Variants in SMARCA4 observed in about 807,000 individuals in gnomAD.
SMARCA4 encodes SWI/SNF related BAF chromatin remodeling complex subunit ATPase 4.
Under a neutral mutation model 193.9 loss-of-function variants are expected in SMARCA4, and 31 were observed. That is an observed-to-expected ratio of 0.16 (90% CI 0.12 to 0.22). The LOEUF is 0.22. Ranked by LOEUF, SMARCA4 falls within the 10% of genes least tolerant of loss-of-function variation. SMARCA4 has a pLI of 1.00. For synonymous variants in SMARCA4, 942 were observed against 933.1 expected (o/e 1.01, Z -0.17); for missense variants, 1,148 against 2,296.0 (o/e 0.50, Z 10.22).
chr19:10,999,385 G>A (rs554883474), intron 11 of SMARCA4, among the ~76,000 whole-genome samples: 3 of 152,256 alleles, frequency 2.0e-5, no homozygotes, highest in African/African-American at 4.8e-5. Flanking sequence ...GGCTGGGCAT[G>A]GTGGCTCATG....
At position 11,058,462 on chromosome 19, in the gene SMARCA4, C is replaced by G. The variant is rs556750452; in HGVS notation, c.4533+99C>G. On this transcript the variant is annotated intron_variant, in intron 31 of 34. Coordinates refer to ENST00000344626, the MANE Select transcript of SMARCA4 (RefSeq NM_003072.5). This position sits in a 1 kb window ranked among gnomAD's most constrained non-coding sequence, Gnocchi z 5.8. Reference sequence around the variant, plus strand: ...AGCTGTGGTGTGTGGGCAGAATGACCAGAAACCACCTAGGCGGTGCCTTGG... The same window carrying G: ...AGCTGTGGTGTGTGGGCAGAATGACGAGAAACCACCTAGGCGGTGCCTTGG... 7 of 871,146 alleles carry G rather than the reference C, an allele frequency of 8.0e-6. No homozygotes were observed. In the African/African-American group the frequency reaches 9.9e-5, roughly 12 times the overall value. 54.0% of individuals were successfully genotyped at this position (871,146 alleles called of 1,614,324 possible).
chr19:10,990,431 C>T (rs1402744881), intron 7 of SMARCA4, among the ~76,000 whole-genome samples: 1 of 151,812 alleles, frequency 6.6e-6, no homozygotes, highest in East Asian at 1.9e-4. Context: ...GGCATGTGCC[C>T]CACGCCTGGC....
At chr19:11,038,061 C>T (rs144918396) in intron 29 of SMARCA4, among the ~76,000 whole-genome samples, 2,439 of 152,326 alleles carry the variant, frequency 0.016, 62 homozygotes, top group South Asian at 0.059. Context: ...TGGCCGCCAT[C>T]GGACATGGCC....
At chr19:11,054,278 C>G (rs1415134788) in intron 30 of SMARCA4, among the ~76,000 whole-genome samples, 3 of 152,208 alleles carry the variant, frequency 2.0e-5, no homozygotes, top group Non-Finnish European at 2.9e-5. Flanking sequence ...GAGCACAGCC[C>G]AGATGCCCGG....
intron 1 of SMARCA4, among the ~76,000 whole-genome samples, chr19:10,978,386 G>A (rs991904931): frequency 6.6e-6 from 1 of 152,218 alleles, no homozygotes; most frequent in African/African-American, 2.4e-5. Context: ...AGGCTGGAGT[G>A]CAATGATGTA....
At chr19:10,993,515 A>G (rs1036794980) in intron 8 of SMARCA4, among the ~76,000 whole-genome samples, 2 of 152,344 alleles carry the variant, frequency 1.3e-5, no homozygotes, top group Non-Finnish European at 2.9e-5. Flanking sequence ...TAGTAATGGA[A>G]TAAGTTGGGT....
rs1046257812 is a variant in SMARCA4 at position 11,058,682 on chromosome 19, A to T, written c.4534-106A>T. ...AGGCTGGCGCTTCGGCCACATCCTC[A>T]TAGGCACGAGGAATCCTAGCCCGTG... On this transcript the variant is annotated intron_variant, in intron 31 of 34. Coordinates refer to ENST00000344626, the MANE Select transcript of SMARCA4 (RefSeq NM_003072.5). The surrounding 1 kb of genome is among the most constrained non-coding windows in gnomAD (Gnocchi z 5.8). 7.3e-6 allele frequency: 7 copies of T among 962,238 alleles called. 1 individual carries two copies. The highest frequency in any genetic ancestry group is 6.4e-5 in the African/African-American group (4 of 62,218). 59.6% of individuals were successfully genotyped at this position (962,238 alleles called of 1,614,324 possible).
chr19:10,986,431 CTGCAGATGGCGG>C lies in SMARCA4; in HGVS notation c.604_615del (p.Met202_Gln205del). The C allele has an allele frequency of 3.2e-6, 5 of 1,571,968 alleles. No homozygotes were observed. The highest frequency in any genetic ancestry group is 4.3e-6 in the Non-Finnish European group (5 of 1,159,320). The stretch of plus-strand genomic sequence containing the variant: ...CAGGGGGCAGCCCCTCCCCGACCAC[CTGCAGATGGCGG>C]TGCAGGGCAAGCGGCCGATGCCCGG... On this transcript the variant is annotated inframe_deletion, in exon 4 of 35. Coordinates refer to ENST00000344626, the MANE Select transcript of SMARCA4 (RefSeq NM_003072.5). The surrounding 1 kb of genome is among the most constrained non-coding windows in gnomAD (Gnocchi z 6.7).
In SMARCA4 at chr19:11,061,532, C is replaced by T. The variant is rs528680355; in HGVS notation, c.4912-252C>T. Among the ~76,000 whole-genome samples, 32 of 152,196 alleles carry T rather than the reference C, an allele frequency of 2.1e-4. 1 individual carries two copies. The highest frequency in any genetic ancestry group is 2.8e-4 in the Non-Finnish European group (19 of 67,996). ...CTGGGACTACAGGCGCCCGCCACCA[C>T]GCCCGGCTAATTTTTTGTATTTTTT... On this transcript the variant is annotated intron_variant, in intron 34 of 34. Coordinates refer to ENST00000344626, the MANE Select transcript of SMARCA4 (RefSeq NM_003072.5).
rs62129063 is a variant in SMARCA4 at position 11,025,330 on chromosome 19, A to G, written c.3082-92A>G. The G allele has an allele frequency of 1.4e-3, 1,119 of 819,462 alleles. 10 individuals are homozygous for G. Among genetic ancestry groups the G allele is most frequent in the African/African-American group, 5.9e-3 (351 of 59,850 alleles). The allele number at this position is 819,462 out of a possible 1,614,324, so 50.8% of individuals were successfully genotyped here. ...CACTCTTCCCCACTAGAGCGTCCCCATGGCCCTTCTCCCAACACCCACCCA... is the reference window on the plus strand; with the variant it reads ...CACTCTTCCCCACTAGAGCGTCCCCGTGGCCCTTCTCCCAACACCCACCCA... On this transcript the variant is annotated intron_variant, in intron 21 of 34. Coordinates refer to ENST00000344626, the MANE Select transcript of SMARCA4 (RefSeq NM_003072.5).
chr19:10,991,131 G>T lies in SMARCA4; in HGVS notation c.1246-19G>T. 1.2e-6 allele frequency: 2 copies of T among 1,613,084 alleles called. No individual in the cohort carries two copies. The highest frequency in any genetic ancestry group is 1.7e-6 in the Non-Finnish European group (2 of 1,179,908). On this transcript the variant is annotated intron_variant, in intron 7 of 34. Coordinates refer to ENST00000344626, the MANE Select transcript of SMARCA4 (RefSeq NM_003072.5). ...ACAGAGCTGTGCAGTGCGCGGGCTTGTCCTCTTCCCTCCTACAGCTGCGCC... is the reference window on the plus strand; with the variant it reads ...ACAGAGCTGTGCAGTGCGCGGGCTTTTCCTCTTCCCTCCTACAGCTGCGCC...
At chr19:10,973,034 G>A (rs148193426) in intron 1 of SMARCA4, among the ~76,000 whole-genome samples, 1 of 152,162 alleles carries the variant, frequency 6.6e-6, no homozygotes, top group Middle Eastern at 3.4e-3. Context: ...GCTTGAACCC[G>A]GGAGGCCGAG....
rs943150996 is a variant in SMARCA4 at position 11,041,759 on chromosome 19, C to T, written c.4424+199C>T. Among the ~76,000 whole-genome samples, 32 of 152,018 alleles carry T rather than the reference C, an allele frequency of 2.1e-4. No individual in the cohort carries two copies. Among genetic ancestry groups the T allele is most frequent in the Admixed American group, 1.0e-3 (16 of 15,254 alleles). On this transcript the variant is annotated intron_variant, in intron 30 of 34. Coordinates refer to ENST00000344626, the MANE Select transcript of SMARCA4 (RefSeq NM_003072.5). The surrounding 1 kb of genome is among the most constrained non-coding windows in gnomAD (Gnocchi z 5.6). Reference sequence around the variant, plus strand: ...GAACAGGGAAGCACACATGTATCTGCGGTGATGAGAGGGAATGTCACATGT... The same window carrying T: ...GAACAGGGAAGCACACATGTATCTGTGGTGATGAGAGGGAATGTCACATGT...
chr19:10,986,417 C>T lies in SMARCA4; in HGVS notation c.584C>T (p.Pro195Leu). 1.3e-6 allele frequency: 2 copies of T among 1,578,820 alleles called. No homozygotes were observed. Among genetic ancestry groups the T allele is most frequent in the South Asian group, 1.1e-5 (1 of 87,030 alleles). Residue 195 changes from proline (P) to leucine (L), a missense_variant, in exon 4 of 35, where the codon CCC becomes CTC. Coordinates refer to ENST00000344626, the MANE Select transcript of SMARCA4 (RefSeq NM_003072.5). The surrounding 1 kb of genome is among the most constrained non-coding windows in gnomAD (Gnocchi z 6.7). ...TACAAGATGCTGGCCAGGGGGCAGC[C>T]CCTCCCCGACCACCTGCAGATGGCG... ...MAYKMLARGQ[P>L]LPDHLQMAVQ...
intron 9 of SMARCA4, 132 bp from the exon 10 acceptor site, chr19:10,996,080 TG>T (rs939188519): frequency 2.5e-5 from 22 of 863,446 alleles, no homozygotes; most frequent in Non-Finnish European, 4.0e-5. Flanking sequence ...TCGATTGCCG[TG>T]TGAAGGGCTG....
chr19:10,966,140 G>C (rs2084201339), intron 1 of SMARCA4, among the ~76,000 whole-genome samples: 1 of 151,938 alleles, frequency 6.6e-6, no homozygotes, highest in African/African-American at 2.4e-5. Flanking sequence ...CCGCCACCAT[G>C]CCTGGCTAAT....
At chr19:10,976,807 C>T (rs1445752412) in intron 1 of SMARCA4, among the ~76,000 whole-genome samples, 1 of 148,144 alleles carries the variant, frequency 6.8e-6, no homozygotes, top group African/African-American at 2.5e-5. Flanking sequence ...GTAATCCTAG[C>T]ACTTTGGGAG....
intron 1 of SMARCA4, among the ~76,000 whole-genome samples, chr19:10,982,083 A>C (rs1189174286): frequency 6.6e-6 from 1 of 152,126 alleles, no homozygotes; most frequent in African/African-American, 2.4e-5. Flanking sequence ...TCACACCTGT[A>C]ATCCCAGCAC....
intron 30 of SMARCA4, among the ~76,000 whole-genome samples, chr19:11,052,998 C>T (rs561304915): frequency 6.6e-6 from 1 of 152,346 alleles, no homozygotes; most frequent in Admixed American, 6.5e-5. Flanking sequence ...TCTCATCTGG[C>T]ATCTGCCTCT....
Sources: gnomAD v4.1 joint callset for allele counts (sites outside exome capture counted in the v4.1 genomes callset) on GRCh38, gnomAD v4.1.1 for gene constraint, Gnocchi (gnomAD v3.1) non-coding constraint, MANE v1.5 for transcripts, NCBI Gene and HGNC (gene_info 2026-07-23, HGNC 2026-07-21) for gene names.